Variants in CLYBL observed in about 807,000 individuals in gnomAD.
The protein encoded by CLYBL is citramalyl-CoA lyase, mitochondrial.
CLYBL carries 31 observed loss-of-function variants against 38.9 expected under a neutral mutation model. That is an observed-to-expected ratio of 0.80 (90% CI 0.60 to 1.08). CLYBL has a LOEUF of 1.08. Among genes scored for constraint, CLYBL ranks in the 50% least tolerant of loss-of-function variants. CLYBL has a pLI of 0.00. For missense variants in CLYBL, 434 were observed against 411.6 expected (o/e 1.05, Z -0.47); for synonymous variants, 171 against 158.6 (o/e 1.08, Z -0.59).
chr13:99,781,729 C>T (rs181055194), intron 2 of CLYBL, among the ~76,000 whole-genome samples: 34 of 151,940 alleles, frequency 2.2e-4, no homozygotes, highest in East Asian at 7.8e-4. Context: ...CCACCCGCCT[C>T]GGCCTCCCAA....
chr13:99,773,903 A>G (rs2049454535), intron 2 of CLYBL, among the ~76,000 whole-genome samples: 1 of 152,102 alleles, frequency 6.6e-6, no homozygotes, highest in Admixed American at 6.6e-5. Context: ...TTATTTCCTC[A>G]TGGCCTGACC....
chr13:99,890,388 T>C (rs190667376), intron 7 of CLYBL, among the ~76,000 whole-genome samples: 1 of 152,320 alleles, frequency 6.6e-6, no homozygotes, highest in Admixed American at 6.5e-5. Context: ...AATGGGACTA[T>C]TCCAAGAGAT....
intron 2 of CLYBL, among the ~76,000 whole-genome samples, chr13:99,810,198 C>T (rs2050313311): frequency 1.3e-5 from 2 of 152,242 alleles, no homozygotes; most frequent in African/African-American, 4.8e-5. Context: ...TAGCTCCTCT[C>T]CTCTCCGGGC....
chr13:99,844,772 C>T (rs1403736608), intron 2 of CLYBL, among the ~76,000 whole-genome samples: 1 of 152,202 alleles, frequency 6.6e-6, no homozygotes, highest in Non-Finnish European at 1.5e-5. Flanking sequence ...CCACAAAGCT[C>T]GGCTTTTTCC....
intron 1 of CLYBL, among the ~76,000 whole-genome samples, chr13:99,748,452 T>G (rs1197237397): frequency 1.4e-5 from 2 of 137,956 alleles, no homozygotes; most frequent in Non-Finnish European, 1.6e-5. Context: ...TTTTTTTTTT[T>G]TTTTTGAGAT....
chr13:99,832,957 G>A (rs1234314249), intron 2 of CLYBL, among the ~76,000 whole-genome samples: 1 of 132,380 alleles, frequency 7.6e-6, no homozygotes, highest in Non-Finnish European at 1.6e-5. Context: ...AAGAGATTTT[G>A]AAGTATTGTC....
chr13:99,799,376 T>TACACACACAC (rs1491454600), intron 2 of CLYBL, among the ~76,000 whole-genome samples: 1 of 29,542 alleles, frequency 3.4e-5, no homozygotes, highest in Non-Finnish European at 5.9e-5. Context: ...TATACACACA[T>TACACACACAC]TCACACACAC....
chr13:99,617,476 C>T (rs2046729228), intron 1 of CLYBL, among the ~76,000 whole-genome samples: 3 of 152,148 alleles, frequency 2.0e-5, no homozygotes, highest in Admixed American at 2.0e-4. Context: ...GATATGCCCA[C>T]ATTATTCTGT....
chr13:99,725,558 A>G (rs2048458745), intron 1 of CLYBL, among the ~76,000 whole-genome samples: 1 of 152,178 alleles, frequency 6.6e-6, no homozygotes, highest in South Asian at 2.1e-4. Context: ...GGGACATTCT[A>G]GTACTATGCT....
At chr13:99,909,412 T>C (rs1048288678) in exon 10 of CLYBL, among the ~76,000 whole-genome samples, 1 of 152,210 alleles carries the variant, frequency 6.6e-6, no homozygotes, top group East Asian at 1.9e-4. Context: ...GTAAAATACA[T>C]GAAACAAATA....
chr13:99,862,523 G>A (rs947794502), intron 3 of CLYBL, among the ~76,000 whole-genome samples: 5 of 152,188 alleles, frequency 3.3e-5, no homozygotes, highest in African/African-American at 1.2e-4. Context: ...AAGGGTAATG[G>A]TGCTATAATG....
chr13:99,771,954 T>C (rs2049403987), intron 1 of CLYBL, among the ~76,000 whole-genome samples: 1 of 152,202 alleles, frequency 6.6e-6, no homozygotes, highest in South Asian at 2.1e-4. Context: ...TTACCAGTAA[T>C]TAAGTTGCCT....
chr13:99,873,250 T>C (rs1341973050), intron 7 of CLYBL, among the ~76,000 whole-genome samples: 1 of 152,230 alleles, frequency 6.6e-6, no homozygotes, highest in African/African-American at 2.4e-5. Flanking sequence ...AGAAATTGGA[T>C]CTGCAGGTAG....
intron 1 of CLYBL, among the ~76,000 whole-genome samples, chr13:99,750,927 T>C (rs2048945028): frequency 4.6e-5 from 7 of 152,126 alleles, no homozygotes; most frequent in Admixed American, 4.6e-4. Context: ...TACGATGATA[T>C]AGCCACTGTG....
rs1270730136 is a variant in CLYBL, at chr13:99,815,467, T to A, written c.249+42457T>A. 2.6e-5 allele frequency among the ~76,000 whole-genome samples: 4 copies of A among 152,278 alleles called. No homozygotes were observed. In the South Asian group the frequency reaches 6.2e-4, roughly 24 times the overall value. On this transcript the variant is annotated intron_variant, in intron 2 of 8. Coordinates refer to ENST00000339105, the MANE Select transcript of CLYBL (RefSeq NM_206808.5). ...TGGGTATGGTGGCATGCACCTGCAG[T>A]CCAGCTACTTGCAGGGCTGAGGACA...
At chr13:99,863,432 C>T (rs897777532) in intron 4 of CLYBL, among the ~76,000 whole-genome samples, 1 of 152,072 alleles carries the variant, frequency 6.6e-6, no homozygotes, top group Non-Finnish European at 1.5e-5. Context: ...AATTTGTCAC[C>T]CTTATGAATT....
intron 2 of CLYBL, among the ~76,000 whole-genome samples, chr13:99,843,751 G>A (rs914970081): frequency 8.5e-5 from 13 of 152,142 alleles, no homozygotes; most frequent in South Asian, 8.3e-4. Context: ...ACAGGCGTGC[G>A]CCACCACTTC....
intron 7 of CLYBL, among the ~76,000 whole-genome samples, chr13:99,889,039 T>G (rs1346605818): frequency 6.6e-6 from 1 of 152,198 alleles, no homozygotes; most frequent in Non-Finnish European, 1.5e-5. Context: ...CACCTTAAGC[T>G]TCATTAAAGA....
chr13:99,876,551 T>C (rs533559753), intron 7 of CLYBL, among the ~76,000 whole-genome samples: 7 of 152,258 alleles, frequency 4.6e-5, no homozygotes, highest in African/African-American at 1.7e-4. Context: ...TTTATCCAGG[T>C]TCATATTTTT....
Sources: allele counts gnomAD v4.1 joint callset (sites outside exome capture counted in the v4.1 genomes callset), GRCh38; gene constraint gnomAD v4.1.1; transcripts MANE v1.5; gene names NCBI Gene and HGNC (gene_info 2026-07-23, HGNC 2026-07-21).